OPCML: variants seen among roughly 807,000 people sequenced by gnomAD.
OPCML encodes opioid-binding protein/cell adhesion molecule.
In OPCML, 13 loss-of-function variants were observed where a neutral mutation model predicts 37.8. The ratio of observed to expected loss-of-function variants is 0.34; its 90% CI spans 0.22 to 0.55. The LOEUF (loss-of-function observed/expected upper bound fraction) is 0.55. Ranked by LOEUF, OPCML falls within the 20% of genes least tolerant of loss-of-function variation. The pLI is 0.91. For synonymous variants in OPCML, 176 were observed against 168.8 expected (o/e 1.04, Z -0.33); for missense variants, 341 against 435.6 (o/e 0.78, Z 1.93).
chr11:133,483,086 G>A (rs947035320), intron 1 of OPCML, among the ~76,000 whole-genome samples: 1 of 151,514 alleles, frequency 6.6e-6, no homozygotes, highest in Admixed American at 6.6e-5. Context: ...TAAAAATGTG[G>A]GCAAAATATT....
chr11:133,365,242 T>C (rs1944513764), intron 1 of OPCML: 1 of 152,118 alleles, frequency 6.6e-6, no homozygotes, highest in Non-Finnish European at 1.5e-5. Context: ...AAGTCACAAT[T>C]TGTTGTCTTC....
At chr11:132,456,274 A>G (rs1262190697) in intron 4 of OPCML, among the ~76,000 whole-genome samples, 4 of 152,218 alleles carry the variant, frequency 2.6e-5, no homozygotes, top group Non-Finnish European at 2.9e-5. Context: ...TTTACATAAC[A>G]ATGAAAAATT....
intron 1 of OPCML, among the ~76,000 whole-genome samples, chr11:133,207,843 C>G (rs994824226): frequency 1.3e-5 from 2 of 152,166 alleles, no homozygotes; most frequent in African/African-American, 4.8e-5. Flanking sequence ...CCTGTGGCAT[C>G]TTTCCTTCCT....
chr11:133,284,566 T>C (rs1324611204), intron 1 of OPCML, among the ~76,000 whole-genome samples: 1 of 152,164 alleles, frequency 6.6e-6, no homozygotes, highest in Admixed American at 6.5e-5. Context: ...AGTCGGACTT[T>C]TACTCAAGAG....
At position 133,174,639 on chromosome 11, in the gene OPCML, G is replaced by GAA. The variant is rs34411187; in HGVS notation, c.62-231631_62-231630dup. Among the ~76,000 whole-genome samples the GAA allele has an allele frequency of 1.2e-3, 139 of 116,790 alleles. 2 individuals are homozygous for GAA. The highest frequency in any genetic ancestry group is 3.4e-3 in the African/African-American group (116 of 34,608). The allele number at this position is 116,790 out of a possible 152,430, so 76.6% of individuals were successfully genotyped here. A position where few individuals can be genotyped will look rare whatever the true frequency, so the allele number is the denominator to read the frequency against. The stretch of plus-strand genomic sequence containing the variant: ...AAATGCTCATGGAATGCTGTTTAGT[G>GAA]AAAAAAAAAAAAAAAAAAAGCAGGG... On this transcript the variant is annotated intron_variant, in intron 1 of 7. Transcript: ENST00000524381. This position sits in a 1 kb window ranked among gnomAD's most constrained non-coding sequence, Gnocchi z 4.6.
At chr11:132,865,883 A>T (rs1337106764) in intron 2 of OPCML, among the ~76,000 whole-genome samples, 1 of 152,190 alleles carries the variant, frequency 6.6e-6, no homozygotes. Context: ...GTTGAGCAGT[A>T]AATGTTTCTA....
chr11:132,968,523 C>T (rs1003018930), intron 1 of OPCML, among the ~76,000 whole-genome samples: 5 of 152,092 alleles, frequency 3.3e-5, no homozygotes, highest in African/African-American at 9.7e-5. Context: ...GCTACCAGTA[C>T]CACCCCTATG....
intron 2 of OPCML, among the ~76,000 whole-genome samples, chr11:132,875,612 G>A (rs1942979798): frequency 6.6e-6 from 1 of 152,120 alleles, no homozygotes; most frequent in African/African-American, 2.4e-5. Flanking sequence ...GTACAGGCAT[G>A]CACCACCACG....
intron 2 of OPCML, among the ~76,000 whole-genome samples, chr11:132,721,949 C>T (rs1204446468): frequency 6.5e-5 from 8 of 123,920 alleles, no homozygotes; most frequent in South Asian, 2.9e-4. Context: ...TCTTTCCTTC[C>T]CTTTTTTTTT....
At chr11:133,057,692 C>A (rs1948265844) in intron 1 of OPCML, among the ~76,000 whole-genome samples, 1 of 152,164 alleles carries the variant, frequency 6.6e-6, no homozygotes, top group African/African-American at 2.4e-5. Context: ...TGCTAGTCAC[C>A]ATCACATGCG....
At chr11:132,516,414 C>CA (rs1555143797) in intron 4 of OPCML, among the ~76,000 whole-genome samples, 37 of 152,056 alleles carry the variant, frequency 2.4e-4, no homozygotes, top group African/African-American at 8.9e-4. Flanking sequence ...CTGTCTTCCC[C>CA]TTTTTTTTCT....
intron 1 of OPCML, among the ~76,000 whole-genome samples, chr11:133,186,621 G>T (rs1042626296): frequency 6.6e-6 from 1 of 152,096 alleles, no homozygotes; most frequent in Non-Finnish European, 1.5e-5. Flanking sequence ...TTCCATTTTT[G>T]TGGCCTCTGC....
intron 1 of OPCML, among the ~76,000 whole-genome samples, chr11:133,047,479 C>T (rs1259287281): frequency 6.6e-6 from 1 of 152,222 alleles, no homozygotes; most frequent in African/African-American, 2.4e-5. Context: ...ATTTGGGATC[C>T]ATTCCTGAAT....
intron 4 of OPCML, among the ~76,000 whole-genome samples, chr11:132,494,927 A>C (rs1291805315): frequency 6.6e-6 from 1 of 152,092 alleles, no homozygotes; most frequent in Non-Finnish European, 1.5e-5. Context: ...TCAATTTCTC[A>C]CAACCTGTGC....
At chr11:132,606,949 G>A (rs1291372412) in intron 3 of OPCML, among the ~76,000 whole-genome samples, 1 of 152,106 alleles carries the variant, frequency 6.6e-6, no homozygotes. Context: ...CTTCCCAGGG[G>A]TTTCTGTCTG....
chr11:132,717,072 TA>T (rs1944521086), intron 2 of OPCML, among the ~76,000 whole-genome samples: 1 of 152,092 alleles, frequency 6.6e-6, no homozygotes, highest in Non-Finnish European at 1.5e-5. Flanking sequence ...AATAAATAAT[TA>T]TGTACAAATA....
At chr11:133,525,864 C>T (rs1297198595) in intron 1 of OPCML, among the ~76,000 whole-genome samples, 1 of 152,326 alleles carries the variant, frequency 6.6e-6, no homozygotes, top group Non-Finnish European at 1.5e-5. Context: ...CAATCAACGG[C>T]CTGTGTCCCA....
chr11:132,571,878 A>G (rs1005851040), intron 3 of OPCML, among the ~76,000 whole-genome samples: 1 of 152,148 alleles, frequency 6.6e-6, no homozygotes, highest in South Asian at 2.1e-4. Context: ...ACCATTTTGC[A>G]TTCCCACCAA....
chr11:132,440,398 G>C (rs535158270), intron 4 of OPCML, among the ~76,000 whole-genome samples: 3 of 151,734 alleles, frequency 2.0e-5, no homozygotes, highest in Non-Finnish European at 4.4e-5. Flanking sequence ...GGGATTCCAC[G>C]TTTCTGACAC....
Sources: gnomAD v4.1 joint callset for allele counts (sites outside exome capture counted in the v4.1 genomes callset) on GRCh38, gnomAD v4.1.1 for gene constraint, Gnocchi (gnomAD v3.1) non-coding constraint, MANE v1.5 for transcripts, NCBI Gene and HGNC (gene_info 2026-07-23, HGNC 2026-07-21) for gene names.